Variants in TMEM233 observed in about 807,000 individuals in gnomAD.
TMEM233 encodes the protein transmembrane protein 233, also known as dispanin subfamily B member 2.
Under a neutral mutation model 11.2 loss-of-function variants are expected in TMEM233, and 6 were observed. That is an observed-to-expected ratio of 0.54 (90% CI 0.29 to 1.06). The LOEUF is 1.06. Ranked by LOEUF, TMEM233 falls within the 50% of genes least tolerant of loss-of-function variation. The pLI is 0.08. For synonymous variants in TMEM233, 59 were observed against 55.8 expected, an observed-to-expected ratio of 1.06 and a Z score of -0.26; for missense variants, 127 against 144.7, an observed-to-expected ratio of 0.88 and a Z score of 0.63.
At chr12:119,638,614 C>T (rs1350111028) in intron 2 of TMEM233, among the ~76,000 whole-genome samples, 2 of 152,150 alleles carry the variant, frequency 1.3e-5, no homozygotes, top group Non-Finnish European at 2.9e-5. Flanking sequence ...GAACCACAGA[C>T]GTGCAACGAT....
intron 2 of TMEM233, among the ~76,000 whole-genome samples, chr12:119,637,665 C>G (rs1025991399): frequency 6.6e-6 from 1 of 152,080 alleles, no homozygotes; most frequent in Non-Finnish European, 1.5e-5. Flanking sequence ...GAATCATTAC[C>G]TATTTCTAGA....
intron 1 of TMEM233, among the ~76,000 whole-genome samples, chr12:119,620,781 T>C (rs891323919): frequency 6.6e-6 from 1 of 152,166 alleles, no homozygotes. Context: ...AAGAATAAGA[T>C]AGACTTGGAC....
intron 2 of TMEM233, among the ~76,000 whole-genome samples, chr12:119,630,435 A>C (rs748707727): frequency 3.3e-5 from 5 of 152,226 alleles, no homozygotes; most frequent in Non-Finnish European, 7.3e-5. Flanking sequence ...GCCAGATAGT[A>C]AATCTTTTAA....
intron 1 of TMEM233, among the ~76,000 whole-genome samples, chr12:119,599,080 G>A (rs1954103549): frequency 6.6e-6 from 1 of 152,156 alleles, no homozygotes; most frequent in Non-Finnish European, 1.5e-5. Flanking sequence ...ATTTGTTGCA[G>A]CATAAAGGTA....
intron 1 of TMEM233, among the ~76,000 whole-genome samples, chr12:119,596,422 T>C (rs1954049015): frequency 6.6e-6 from 1 of 152,156 alleles, no homozygotes; most frequent in East Asian, 1.9e-4. Context: ...GAAACTTCCT[T>C]TTCTAATCCC....
At chr12:119,614,786 A>C (rs1954487503) in intron 1 of TMEM233, among the ~76,000 whole-genome samples, 1 of 152,150 alleles carries the variant, frequency 6.6e-6, no homozygotes, top group Non-Finnish European at 1.5e-5. Flanking sequence ...TTCTATCCCC[A>C]TGGGGGTTAT....
Position 119,594,037 on chromosome 12 carries a change from G to GA in TMEM233, c.186+4dup. On this transcript the variant is annotated splice_donor_region_variant and intron_variant, in intron 1 of 2. Coordinates refer to ENST00000426426, the MANE Select transcript of TMEM233 (RefSeq NM_001136534.3). The surrounding 1 kb of genome is among the most constrained non-coding windows in gnomAD (Gnocchi z 5.6). ...TGGCTTTGGTCTTTTCCATCATGGT[G>GA]AGTGAATCACGGCCAGAGGCAGCCT... 1 of 1,551,476 alleles carries GA rather than the reference G, an allele frequency of 6.4e-7. No individual in the cohort carries two copies. The highest frequency in any genetic ancestry group is 8.7e-7 in the Non-Finnish European group (1 of 1,146,822).
chr12:119,622,996 C>G (rs1163249392), intron 1 of TMEM233, among the ~76,000 whole-genome samples: 2 of 152,144 alleles, frequency 1.3e-5, no homozygotes, highest in Admixed American at 6.5e-5. Flanking sequence ...GAACGTGGGG[C>G]AGGATTCACC....
the TMEM233 span, among the ~76,000 whole-genome samples, chr12:119,653,046 G>C: frequency 6.6e-6 from 1 of 152,144 alleles, no homozygotes; most frequent in Non-Finnish European, 1.5e-5. Flanking sequence ...TTCTGAGAAA[G>C]ATAATAGAAT....
At chr12:119,640,600 G>C in intron 2 of TMEM233, 99 bp from the exon 3 acceptor site, 1 of 1,344,384 alleles carries the variant, frequency 7.4e-7, no homozygotes, top group Non-Finnish European at 1.0e-6. Context: ...TTTAACCAGA[G>C]TCATCATCAT....
chr12:119,607,702 G>A (rs77852117), intron 1 of TMEM233, among the ~76,000 whole-genome samples: 2,101 of 150,502 alleles, frequency 0.014, 36 homozygotes, highest in Middle Eastern at 0.062. Context: ...CCCACCTCCC[G>A]GGCCCAAGCG....
intron 1 of TMEM233, among the ~76,000 whole-genome samples, chr12:119,605,204 T>A (rs1191879508): frequency 6.6e-6 from 1 of 152,040 alleles, no homozygotes; most frequent in Non-Finnish European, 1.5e-5. Flanking sequence ...CATTTATACA[T>A]TTGTCTTTAC....
At chr12:119,603,287 G>A (rs1423492294) in intron 1 of TMEM233, among the ~76,000 whole-genome samples, 2 of 151,880 alleles carry the variant, frequency 1.3e-5, no homozygotes, top group African/African-American at 2.4e-5. Context: ...AACAAAAAAA[G>A]TAAAAAGAAA....
rs1328653482 is a variant in TMEM233 at position 119,642,017 on chromosome 12, A to T, written c.*1312A>T. 6.6e-6 allele frequency: 1 copy of T among 152,224 alleles called. No individual in the cohort carries two copies. The highest frequency in any genetic ancestry group is 6.5e-5 in the Admixed American group (1 of 15,276). 9.4% of individuals were successfully genotyped at this position (152,224 alleles called of 1,614,324 possible). On this transcript the variant is annotated 3_prime_UTR_variant, in exon 3 of 3. Coordinates refer to ENST00000426426, the MANE Select transcript of TMEM233 (RefSeq NM_001136534.3). ...AGCTTCCCACAGTGGGGGATGTGAC[A>T]TATTGTTTCTGTTCAAATAAATTAA...
intron 1 of TMEM233, among the ~76,000 whole-genome samples, chr12:119,602,071 T>G (rs1302069459): frequency 6.6e-6 from 1 of 152,230 alleles, no homozygotes; most frequent in African/African-American, 2.4e-5. Context: ...GCCCCAAGTC[T>G]GACCATACCT....
intron 2 of TMEM233, among the ~76,000 whole-genome samples, chr12:119,633,135 T>A (rs1191169151): frequency 6.6e-6 from 1 of 152,192 alleles, no homozygotes; most frequent in Non-Finnish European, 1.5e-5. Flanking sequence ...ATACCAGCTT[T>A]ATCAGGATTC....
Position 119,640,909 on chromosome 12 carries a change from A to T in TMEM233, c.*204A>T. On this transcript the variant is annotated 3_prime_UTR_variant, in exon 3 of 3. Coordinates refer to ENST00000426426, the MANE Select transcript of TMEM233 (RefSeq NM_001136534.3). ...TAGGCAATCCAAGCTGCACAGCCGG[A>T]TCAGCCAAAGTCATTGATTTGTAAA... is the stretch of plus-strand genomic sequence containing the variant. The T allele has an allele frequency of 1.9e-6, 1 of 522,218 alleles. No homozygotes were observed. Among genetic ancestry groups the T allele is most frequent in the South Asian group, 3.6e-5 (1 of 27,900 alleles). The allele number at this position is 522,218 out of a possible 1,614,324, so 32.3% of individuals were successfully genotyped here.
At chr12:119,625,601 T>C (rs184110329) in intron 1 of TMEM233, among the ~76,000 whole-genome samples, 33 of 152,334 alleles carry the variant, frequency 2.2e-4, no homozygotes, top group Non-Finnish European at 4.3e-4. Context: ...CATGGGATGA[T>C]AAAGAGAGCT....
downstream of TMEM233, among the ~76,000 whole-genome samples, chr12:119,646,592 G>A (rs555303794): frequency 1.3e-5 from 2 of 152,184 alleles, no homozygotes; most frequent in African/African-American, 2.4e-5. Flanking sequence ...TTGACTCAGG[G>A]CCTCCTTCCA....
Sources: gnomAD v4.1 joint callset for allele counts (sites outside exome capture counted in the v4.1 genomes callset) on GRCh38, gnomAD v4.1.1 for gene constraint, Gnocchi (gnomAD v3.1) non-coding constraint, MANE v1.5 for transcripts, NCBI Gene and HGNC (gene_info 2026-07-23, HGNC 2026-07-21) for gene names.